Variants in MEST observed in about 807,000 individuals in gnomAD.
The protein encoded by MEST is mesoderm specific transcript, also known as mesoderm-specific transcript homolog protein.
In MEST, 18 loss-of-function variants were observed where a neutral mutation model predicts 50.9. That is an observed-to-expected ratio of 0.35 (90% confidence interval 0.24 to 0.52). MEST has a LOEUF of 0.52. Among genes scored for constraint, MEST ranks in the 20% least tolerant of loss-of-function variants. The pLI is 0.94. For synonymous variants in MEST, 130 were observed against 154.1 expected (o/e 0.84, Z 1.16); for missense variants, 282 against 425.3 (o/e 0.66, Z 2.96).
rs376158362 is a variant in MEST, at chr7:130,492,336, G to T, written c.23G>T (p.Arg8Leu). The T allele has an allele frequency of 2.2e-6, 3 of 1,334,180 alleles. No homozygotes were observed. The highest frequency in any genetic ancestry group is 2.9e-5 in the East Asian group (1 of 34,100). 82.6% of individuals were successfully genotyped at this position (1,334,180 alleles called of 1,614,324 possible). MVRRDRL[R>L]RMREWWVQVG... Reference sequence around the variant, plus strand: ...GCCATGGTGCGCCGAGATCGCCTCCGCAGGTGAGTGTGCGGTGGGAACGAG... The same window carrying T: ...GCCATGGTGCGCCGAGATCGCCTCCTCAGGTGAGTGTGCGGTGGGAACGAG... The change falls in exon 1 of 12, where the codon CGC (arginine) becomes CTC (leucine). Residue 8 changes from arginine (R) to leucine (L), a missense_variant. Transcript: ENST00000223215. This position sits in a 1 kb window ranked among gnomAD's most constrained non-coding sequence, Gnocchi z 7.6.
chr7:130,486,581 C>T, intron 1 of MEST: 1 of 152,788 alleles, frequency 6.5e-6, no homozygotes, highest in Non-Finnish European at 1.5e-5. Context: ...TCCCGGGGCG[C>T]GTGGGTGCCC....
intron 11 of MEST, 129 bp downstream of exon 11, chr7:130,504,125 CAA>C (rs1799382776): frequency 4.4e-6 from 3 of 674,612 alleles, no homozygotes; most frequent in Admixed American, 2.5e-5. Flanking sequence ...ATCCAGGAAA[CAA>C]TAAAAAGATT....
Position 130,495,373 on chromosome 7 carries a change from G to A in MEST, c.32G>A (p.Arg11Lys), listed in dbSNP as rs1799007787. The change falls in exon 2 of 12, where the codon AGG becomes AAG. Residue 11 changes from arginine to lysine, a missense_variant. By Grantham distance (26) the Arg-to-Lys change is conservative (BLOSUM62 2). Coordinates refer to ENST00000223215, the MANE Select transcript of MEST (RefSeq NM_002402.4). MVRRDRLRRM[R>K]EWWVQVGLLA... ...GGTCTCTGCTTTTCCTACAGGATGAGGGAGTGGTGGGTCCAGGTGGGGCTG... is the reference window on the plus strand; with the variant it reads ...GGTCTCTGCTTTTCCTACAGGATGAAGGAGTGGTGGGTCCAGGTGGGGCTG... 26 of 1,608,724 alleles carry A rather than the reference G, an allele frequency of 1.6e-5. No homozygotes were observed. The highest frequency in any genetic ancestry group is 2.1e-5 in the Non-Finnish European group (25 of 1,177,162).
chr7:130,500,831 T>C lies in MEST; in HGVS notation c.690T>C (p.Ser230=). The C allele has an allele frequency of 6.2e-7, 1 of 1,612,948 alleles. No homozygotes were observed. Residue 230 remains serine (S), a synonymous_variant, in exon 9 of 12, where the codon AGT becomes AGC. Transcript: ENST00000223215. This position sits in a 1 kb window ranked among gnomAD's most constrained non-coding sequence, Gnocchi z 5.0. The part of the protein sequence containing the change: ...VFGPYTRPSE[S]ELWDMWAGIR... ...GGCCGTATACTCGGCCCTCTGAGAG[T>C]GAGCTGTGGGACATGTGGGCAGGGA...
chr7:130,490,383 C>A (rs1480602436), upstream of MEST, among the ~76,000 whole-genome samples: 2 of 152,174 alleles, frequency 1.3e-5, no homozygotes, highest in African/African-American at 4.8e-5. Context: ...GAAAGCCGTC[C>A]CCTCCGGCTG....
chr7:130,503,176 GC>G (rs1437905862), intron 10 of MEST, among the ~76,000 whole-genome samples: 1 of 152,140 alleles, frequency 6.6e-6, no homozygotes, highest in Non-Finnish European at 1.5e-5. Context: ...GGTGGTTTGT[GC>G]TTATTTGTCT....
At chr7:130,490,091 CT>C (rs1292031001), upstream of MEST, 1 of 152,048 alleles carries the variant, frequency 6.6e-6, no homozygotes, top group Non-Finnish European at 1.5e-5. Context: ...AAGCCTTTAC[CT>C]TTTTGGAAGA....
intron 1 of MEST, among the ~76,000 whole-genome samples, chr7:130,493,894 C>G (rs1171773663): frequency 2.0e-5 from 3 of 152,186 alleles, no homozygotes; most frequent in Non-Finnish European, 4.4e-5. Context: ...TACTGGGATA[C>G]AGCCTGCTAT....
At position 130,500,544 on chromosome 7, in the gene MEST, T is replaced by C. The variant is rs1554438291; in HGVS notation, c.647+12T>C. 3.7e-6 allele frequency: 6 copies of C among 1,609,396 alleles called. No individual in the cohort carries two copies. In the African/African-American group the frequency reaches 6.7e-5, roughly 18 times the overall value. On this transcript the variant is annotated intron_variant, in intron 8 of 11. Coordinates refer to ENST00000223215, the MANE Select transcript of MEST (RefSeq NM_002402.4). This position sits in a 1 kb window ranked among gnomAD's most constrained non-coding sequence, Gnocchi z 5.0. Reference sequence around the variant, plus strand: ...GTATTCTCTCGAGGGTAAGTGTCACTGTCAAAGATTGTGGCCTAGAGCAAT... The same window carrying C: ...GTATTCTCTCGAGGGTAAGTGTCACCGTCAAAGATTGTGGCCTAGAGCAAT...
intron 6 of MEST, 139 bp downstream of exon 6, chr7:130,498,616 T>TCA: frequency 2.6e-6 from 2 of 767,744 alleles, no homozygotes; most frequent in East Asian, 5.3e-5. Context: ...TTCTGTGCCA[T>TCA]CAACTCCTTT....
In MEST at chr7:130,497,885, G is replaced by C; in HGVS notation, c.262-51G>C. 1 of 1,559,774 alleles carries C rather than the reference G, an allele frequency of 6.4e-7. No individual in the cohort carries two copies. The highest frequency in any genetic ancestry group is 1.1e-5 in the South Asian group (1 of 89,848). The stretch of plus-strand genomic sequence containing the variant: ...GCTCCTGTGCAACTGTAGGTCTGGT[G>C]AAAGGGAGGGGCAGGAGCAGAAAGC... On this transcript the variant is annotated intron_variant, in intron 3 of 11. Coordinates refer to ENST00000223215, the MANE Select transcript of MEST (RefSeq NM_002402.4). This position sits in a 1 kb window ranked among gnomAD's most constrained non-coding sequence, Gnocchi z 4.0.
intron 9 of MEST, 121 bp from the exon 10 acceptor site, chr7:130,502,523 T>C: frequency 1.4e-6 from 1 of 718,464 alleles, no homozygotes; most frequent in Non-Finnish European, 2.4e-6. Context: ...TTTCCAGGAA[T>C]GCTAAACTGC....
At chr7:130,498,858 T>G in intron 6 of MEST, 1 of 280,196 alleles carries the variant, frequency 3.6e-6, no homozygotes, top group Non-Finnish European at 6.8e-6. Context: ...ACAACTGCAA[T>G]AGGTTATGAG....
rs1799123200 is a variant in MEST, at chr7:130,497,850, T to C, written c.262-86T>C. 3.3e-6 allele frequency: 4 copies of C among 1,214,866 alleles called. No individual in the cohort carries two copies. The African/African-American group carries it at 6.0e-5, about 18-fold the overall frequency. The allele number at this position is 1,214,866 out of a possible 1,614,324, so 75.3% of individuals were successfully genotyped here. On this transcript the variant is annotated intron_variant, in intron 3 of 11. Coordinates refer to ENST00000223215, the MANE Select transcript of MEST (RefSeq NM_002402.4). This position sits in a 1 kb window ranked among gnomAD's most constrained non-coding sequence, Gnocchi z 4.0. ...TTTATGGAAGTCTGTTAAGCCAAGA[T>C]AGGGCTGAAGCTCCTGTGCAACTGT...
Position 130,505,292 on chromosome 7 carries a change from G to T in MEST, c.*236G>T. On this transcript the variant is annotated 3_prime_UTR_variant, in exon 12 of 12. Coordinates refer to ENST00000223215, the MANE Select transcript of MEST (RefSeq NM_002402.4). ...ATATCTGATCAAATGTATAGACTTG[G>T]CTTTGTTTTTTGTGCTATTAGGAAA... 2.8e-6 allele frequency: 1 copy of T among 353,446 alleles called. No homozygotes were observed. Among genetic ancestry groups the T allele is most frequent in the Non-Finnish European group, 5.2e-6 (1 of 192,534 alleles). The allele number at this position is 353,446 out of a possible 1,614,324, so 21.9% of individuals were successfully genotyped here.
chr7:130,493,997 A>G (rs1554436161), intron 1 of MEST, among the ~76,000 whole-genome samples: 1 of 152,214 alleles, frequency 6.6e-6, no homozygotes, highest in African/African-American at 2.4e-5. Context: ...AAATGGTTCT[A>G]TCCGTCTTAT....
At chr7:130,496,434 TG>T in intron 2 of MEST, 1 of 315,472 alleles carries the variant, frequency 3.2e-6, no homozygotes, top group Non-Finnish European at 6.0e-6. Flanking sequence ...AAATTATTTT[TG>T]AAAACCTTAT....
upstream of MEST, chr7:130,488,291 C>G (rs527729766): frequency 1.3e-5 from 2 of 152,374 alleles, no homozygotes; most frequent in African/African-American, 4.8e-5. Context: ...TCCCTCTAGA[C>G]AGCCCCTATG....
In MEST at chr7:130,495,508, G is replaced by T. The variant is rs561353737; in HGVS notation, c.167G>T (p.Arg56Leu). The T allele has an allele frequency of 2.5e-6, 4 of 1,613,758 alleles. No homozygotes were observed. In the African/African-American group the frequency reaches 5.3e-5, roughly 22 times the overall value. The change falls in exon 2 of 12, where the codon CGT becomes CTT. Residue 56 changes from arginine to leucine, a missense_variant. Coordinates refer to ENST00000223215, the MANE Select transcript of MEST (RefSeq NM_002402.4). ...AAGTTTTTCACTTACAAGGGACTGC[G>T]TATCTTCTACCAAGGTAAGAAGTGG... ...SGKFFTYKGLRIFYQDSVGVV... is the reference protein window; with the variant it reads ...SGKFFTYKGLLIFYQDSVGVV...
Sources: gnomAD v4.1 joint callset for allele counts (sites outside exome capture counted in the v4.1 genomes callset) on GRCh38, gnomAD v4.1.1 for gene constraint, Gnocchi (gnomAD v3.1) non-coding constraint, MANE v1.5 for transcripts, NCBI Gene and HGNC (gene_info 2026-07-23, HGNC 2026-07-21) for gene names.